The following GARIN2 variants were observed in gnomAD, a reference collection of about 807,000 sequenced individuals.
GARIN2 encodes golgi associated RAB2 interactor family member 2, also known as Golgi-associated RAB2 interactor protein 2.
At chr14:67,223,068 TG>T in the GARIN2 span, among the ~76,000 whole-genome samples, 1 of 150,952 alleles carries the variant, frequency 6.6e-6, no homozygotes, top group African/African-American at 2.4e-5. Flanking sequence ...GGCACAATCT[TG>T]GCTCACTGCA....
the GARIN2 span, among the ~76,000 whole-genome samples, chr14:67,225,846 G>A: frequency 2.0e-5 from 3 of 152,010 alleles, no homozygotes; most frequent in Non-Finnish European, 2.9e-5. Flanking sequence ...ACAACACCCA[G>A]TAGCACAGAA....
the GARIN2 span, among the ~76,000 whole-genome samples, chr14:67,215,782 T>C: frequency 1.3e-5 from 2 of 152,164 alleles, no homozygotes; most frequent in East Asian, 3.8e-4. Context: ...CTGGTCACTC[T>C]GATGTCTTCC....
At chr14:67,198,433 T>C in the GARIN2 span, 1 of 1,007,218 alleles carries the variant, frequency 9.9e-7, no homozygotes. Flanking sequence ...GAATGTGTGA[T>C]ACTACAAAAG....
the GARIN2 span, among the ~76,000 whole-genome samples, chr14:67,226,512 C>T: frequency 6.6e-6 from 1 of 152,238 alleles, no homozygotes; most frequent in African/African-American, 2.4e-5. Flanking sequence ...AGGTGCACAC[C>T]ATCACACCTG....
At chr14:67,203,767 C>A in the GARIN2 span, among the ~76,000 whole-genome samples, 1 of 152,208 alleles carries the variant, frequency 6.6e-6, no homozygotes, top group Admixed American at 6.5e-5. Flanking sequence ...GGCTGGAGTG[C>A]AATGGCACGA....
At chr14:67,191,169 G>A in the GARIN2 span, among the ~76,000 whole-genome samples, 29 of 152,236 alleles carry the variant, frequency 1.9e-4, no homozygotes, top group Non-Finnish European at 3.4e-4. Context: ...AGGAGGTAGA[G>A]GTTGCAGTGA....
At chr14:67,214,333 A>G in the GARIN2 span, among the ~76,000 whole-genome samples, 5 of 152,200 alleles carry the variant, frequency 3.3e-5, no homozygotes, top group African/African-American at 1.2e-4. Context: ...ATCTTGAATT[A>G]ATTTTTGTAT....
At chr14:67,213,276 T>C in the GARIN2 span, among the ~76,000 whole-genome samples, 4 of 149,226 alleles carry the variant, frequency 2.7e-5, no homozygotes, top group African/African-American at 9.8e-5. Flanking sequence ...AACTCGTCAT[T>C]TAGCATTAGG....
At chr14:67,197,345 G>A in the GARIN2 span, 2 of 152,140 alleles carry the variant, frequency 1.3e-5, no homozygotes, top group African/African-American at 4.8e-5. Context: ...ACTGTGGCTC[G>A]GCCTGAGTTG....
chr14:67,221,856 G>T, the GARIN2 span: 1 of 1,603,406 alleles, frequency 6.2e-7, no homozygotes, highest in Non-Finnish European at 8.5e-7. Flanking sequence ...CTGGTATTCA[G>T]TAGTCATCTC....
At chr14:67,199,189 A>G in the GARIN2 span, 2 of 1,606,114 alleles carry the variant, frequency 1.2e-6, no homozygotes, top group Non-Finnish European at 1.7e-6. Flanking sequence ...GTCAACACCC[A>G]CATGCCAAAG....
At chr14:67,205,614 A>G in the GARIN2 span, among the ~76,000 whole-genome samples, 6 of 152,212 alleles carry the variant, frequency 3.9e-5, no homozygotes, top group Non-Finnish European at 7.3e-5. Flanking sequence ...GAGAGTGGAA[A>G]AACAGAGAGT....
At chr14:67,212,621 TA>T in the GARIN2 span, among the ~76,000 whole-genome samples, 1 of 145,308 alleles carries the variant, frequency 6.9e-6, no homozygotes, top group Non-Finnish European at 1.5e-5. Context: ...ATATGTAATA[TA>T]TATTATATAT....
At chr14:67,225,962 TGCGCGCGCGCGC>T in the GARIN2 span, among the ~76,000 whole-genome samples, 6 of 113,520 alleles carry the variant, frequency 5.3e-5, no homozygotes, top group South Asian at 5.9e-4. Flanking sequence ...TGTGTGTGTG[TGCGCGCGCGCGC>T]GTGCGCATGC....
chr14:67,218,767 G>A, the GARIN2 span, among the ~76,000 whole-genome samples: 1 of 151,988 alleles, frequency 6.6e-6, no homozygotes, highest in South Asian at 2.1e-4. Flanking sequence ...AAGCTGTTTA[G>A]AGGTTCAGGG....
At chr14:67,203,033 G>T in the GARIN2 span, 1 of 1,546,700 alleles carries the variant, frequency 6.5e-7, no homozygotes. Flanking sequence ...TCTCAGGCAA[G>T]CAAGGTTGTC....
chr14:67,204,586 A>G, the GARIN2 span: 1 of 1,613,708 alleles, frequency 6.2e-7, no homozygotes, highest in Admixed American at 1.7e-5. Flanking sequence ...TGCGGAGAAC[A>G]TGAGCCTGAA....
the GARIN2 span, chr14:67,221,947 C>T: frequency 5.3e-4 from 560 of 1,049,102 alleles, no homozygotes; most frequent in Non-Finnish European, 6.9e-4. Flanking sequence ...TCACTATGCT[C>T]CATTCTGAGA....
At chr14:67,193,869 G>C in the GARIN2 span, among the ~76,000 whole-genome samples, 2 of 147,936 alleles carry the variant, frequency 1.4e-5, no homozygotes, top group African/African-American at 5.0e-5. Context: ...CACTTGGGCT[G>C]GGGAGGTTGA....
Sources: allele counts gnomAD v4.1 joint callset (sites outside exome capture counted in the v4.1 genomes callset), GRCh38; gene constraint gnomAD v4.1.1; transcripts MANE v1.5; gene names NCBI Gene and HGNC (gene_info 2026-07-23, HGNC 2026-07-21).